The following ZBED4 variants were observed in gnomAD, a reference collection of about 807,000 sequenced individuals.
The protein encoded by ZBED4 is zinc finger BED-type containing 4, also known as zinc finger BED domain-containing protein 4.
ZBED4 carries 4 observed loss-of-function variants against 15.5 expected under a neutral mutation model. The observed-to-expected ratio is 0.26, with a 90% CI of 0.13 to 0.59. The LOEUF is 0.59. Among genes scored for constraint, ZBED4 ranks in the 20% least tolerant of loss-of-function variants. The pLI is 0.90. For missense variants in ZBED4, 1,323 were observed against 1,461.8 expected, an observed-to-expected ratio of 0.91 and a Z score of 1.55; for synonymous variants, 692 against 608.5, an observed-to-expected ratio of 1.14 and a Z score of -2.02.
At chr22:49,858,855 T>C (rs893851923) in intron 1 of ZBED4, among the ~76,000 whole-genome samples, 1 of 152,142 alleles carries the variant, frequency 6.6e-6, no homozygotes, top group African/African-American at 2.4e-5. Flanking sequence ...TGAGGTCTCT[T>C]TGCGTTCCGG....
Position 49,884,959 on chromosome 22 carries a change from G to A in ZBED4, c.1297G>A (p.Ala433Thr), listed in dbSNP as rs1432982430. 23 of 1,611,934 alleles carry A rather than the reference G, an allele frequency of 1.4e-5. No individual in the cohort carries two copies. Among genetic ancestry groups the A allele is most frequent in the Non-Finnish European group, 2.0e-5 (23 of 1,178,898 alleles). ...ASASSPEKQQ[A>T]DGLSPRLFES... ...GGCGTCCTCTCCTGAGAAGCAGCAG[G>A]CTGATGGGCTGAGTCCTAGATTGTT... is the stretch of plus-strand genomic sequence containing the variant. The change falls in exon 2 of 2, where the codon GCT (alanine) becomes ACT (threonine). Residue 433 changes from alanine (A) to threonine (T), a missense_variant. Transcript: ENST00000216268.
In ZBED4 at chr22:49,886,018, A is replaced by G; in HGVS notation, c.2356A>G (p.Lys786Glu). The G allele has an allele frequency of 1.5e-6, 1 of 689,118 alleles. No individual in the cohort carries two copies. The allele number at this position is 689,118 out of a possible 1,614,324, so 42.7% of individuals were successfully genotyped here. The change falls in exon 2 of 2, where the codon AAG becomes GAG. Residue 786 changes from lysine (K) to glutamate (E), a missense_variant. This residue lies in a region of ZBED4 where 100 missense variants were observed against 79.3 expected (regional missense o/e 1.26). Coordinates refer to ENST00000216268, the MANE Select transcript of ZBED4 (RefSeq NM_014838.3). The surrounding 1 kb of genome is among the most constrained non-coding windows in gnomAD (Gnocchi z 7.7). ...DCDYSGNSIQ[K>E]QLECWWEAWV... ...CGACTACAGTGGCAACAGCATTCAG[A>G]AGCAGCTGGAGTGCTGGTGGGAAGC...
At chr22:49,866,202 C>T (rs942175546) in intron 1 of ZBED4, among the ~76,000 whole-genome samples, 2 of 152,058 alleles carry the variant, frequency 1.3e-5, no homozygotes, top group Admixed American at 6.5e-5. Flanking sequence ...TTTTCTCAGT[C>T]CCTTTCACTA....
chr22:49,872,301 G>A (rs534388322), intron 1 of ZBED4, among the ~76,000 whole-genome samples: 2 of 152,140 alleles, frequency 1.3e-5, no homozygotes, highest in Non-Finnish European at 2.9e-5. Flanking sequence ...TCATCCCTAA[G>A]CAGCAGCTCC....
chr22:49,853,829 G>A (rs1166716954), upstream of ZBED4: 2 of 144,644 alleles, frequency 1.4e-5, no homozygotes, highest in African/African-American at 5.0e-5. Flanking sequence ...CGCCGCGCGG[G>A]GCCCTGGGAG....
chr22:49,874,871 C>T (rs1010495200), intron 1 of ZBED4, among the ~76,000 whole-genome samples: 5 of 151,484 alleles, frequency 3.3e-5, no homozygotes, highest in East Asian at 1.9e-4. Flanking sequence ...TTAATAGAGA[C>T]GGGGTTTCAC....
chr22:49,873,816 C>T (rs565586789), intron 1 of ZBED4, among the ~76,000 whole-genome samples: 1 of 151,104 alleles, frequency 6.6e-6, no homozygotes, highest in African/African-American at 2.4e-5. Context: ...CAGCTGGGTT[C>T]TTCTCGACCC....
At chr22:49,878,665 C>A (rs2147534106) in intron 1 of ZBED4, among the ~76,000 whole-genome samples, 1 of 152,180 alleles carries the variant, frequency 6.6e-6, no homozygotes, top group South Asian at 2.1e-4. Flanking sequence ...TGGTACAAGC[C>A]CAAAAGCACA....
Position 49,883,459 on chromosome 22 carries a change from G to T in ZBED4, c.-204G>T. On this transcript the variant is annotated 5_prime_UTR_variant, in exon 2 of 2. Transcript: ENST00000216268. ...ATGAGTGTTTAGTAGCAGGACTCTT[G>T]GAAAGCAGTGATCTATGCTGTAAGA... The T allele has an allele frequency of 1.6e-6, 1 of 625,022 alleles. No individual in the cohort carries two copies. The highest frequency in any genetic ancestry group is 2.5e-6 in the Non-Finnish European group (1 of 404,536). The allele number at this position is 625,022 out of a possible 1,614,324, so 38.7% of individuals were successfully genotyped here.
Position 49,888,119 on chromosome 22 carries a change from C to G in ZBED4, c.*941C>G, listed in dbSNP as rs1343671817. 6.0e-6 allele frequency: 1 copy of G among 167,078 alleles called. No individual in the cohort carries two copies. The highest frequency in any genetic ancestry group is 2.4e-5 in the African/African-American group (1 of 41,406). 10.3% of individuals were successfully genotyped at this position (167,078 alleles called of 1,614,324 possible). ...TGTTATATTCCAGTTGTAAGAATAGCCTTAGTGTTTAGATTTTTTTATGAT... is the reference window on the plus strand; with the variant it reads ...TGTTATATTCCAGTTGTAAGAATAGGCTTAGTGTTTAGATTTTTTTATGAT... On this transcript the variant is annotated 3_prime_UTR_variant, in exon 2 of 2. Coordinates refer to ENST00000216268, the MANE Select transcript of ZBED4 (RefSeq NM_014838.3).
At chr22:49,869,742 T>TACCA (rs2060338262) in intron 1 of ZBED4, among the ~76,000 whole-genome samples, 1 of 152,218 alleles carries the variant, frequency 6.6e-6, no homozygotes, top group African/African-American at 2.4e-5. Context: ...GCTTCAGAAT[T>TACCA]ACCAGTTCAC....
chr22:49,886,079 C>A lies in ZBED4; in HGVS notation c.2417C>A (p.Thr806Asn). Residue 806 changes from threonine to asparagine, a missense_variant, in exon 2 of 2, where the codon ACC becomes AAC. Physicochemically the swap from Thr to Asn is moderately conservative, Grantham distance 65. Coordinates refer to ENST00000216268, the MANE Select transcript of ZBED4 (RefSeq NM_014838.3). This position sits in a 1 kb window ranked among gnomAD's most constrained non-coding sequence, Gnocchi z 7.7. ...VTSTGLQVGI[T>N]VTDNASIGKT... is the part of the protein sequence containing the mutation. ...TCCACCGGCCTTCAGGTGGGCATCA[C>A]CGTCACCGACAACGCCAGCATCGGG... 1 of 680,668 alleles carries A rather than the reference C, an allele frequency of 1.5e-6. No individual in the cohort carries two copies. The highest frequency in any genetic ancestry group is 2.5e-5 in the East Asian group (1 of 40,252). The allele number at this position is 680,668 out of a possible 1,614,324, so 42.2% of individuals were successfully genotyped here.
intron 1 of ZBED4, among the ~76,000 whole-genome samples, chr22:49,869,913 G>T (rs1189937337): frequency 1.3e-5 from 2 of 152,190 alleles, no homozygotes; most frequent in Non-Finnish European, 2.9e-5. Context: ...TCGTCGCCCA[G>T]ATCGTGAGCA....
At chr22:49,859,367 G>A (rs1313520187) in intron 1 of ZBED4, among the ~76,000 whole-genome samples, 2 of 152,042 alleles carry the variant, frequency 1.3e-5, no homozygotes, top group South Asian at 2.1e-4. Context: ...ATCTAGTAAA[G>A]CCTTTTGTTT....
Position 49,886,957 on chromosome 22 carries a change from G to T in ZBED4, c.3295G>T (p.Asp1099Tyr). ...LEEEVLEHSC[D>Y]PLTYWNLKKA... Reference sequence around the variant, plus strand: ...GGAGGAGGTGCTTGAACACAGCTGTGACCCGCTCACCTACTGGAACCTGAA... The same window carrying T: ...GGAGGAGGTGCTTGAACACAGCTGTTACCCGCTCACCTACTGGAACCTGAA... The change falls in exon 2 of 2, where the codon GAC becomes TAC. Residue 1099 changes from aspartate (D) to tyrosine (Y), a missense_variant. By Grantham distance (160) the Asp-to-Tyr change is radical. Coordinates refer to ENST00000216268, the MANE Select transcript of ZBED4 (RefSeq NM_014838.3). The surrounding 1 kb of genome is among the most constrained non-coding windows in gnomAD (Gnocchi z 7.7). 6 of 1,614,070 alleles carry T rather than the reference G, an allele frequency of 3.7e-6. No individual in the cohort carries two copies. Among genetic ancestry groups the T allele is most frequent in the Non-Finnish European group, 5.1e-6 (6 of 1,180,014 alleles).
chr22:49,887,239 AGGTCTATGACCC>A lies in ZBED4; in HGVS notation c.*63_*74del. On this transcript the variant is annotated 3_prime_UTR_variant, in exon 2 of 2. Coordinates refer to ENST00000216268, the MANE Select transcript of ZBED4 (RefSeq NM_014838.3). ...TGCCCCAGCGTTAGCAGCCTGTACC[AGGTCTATGACCC>A]GCTCTGCCCACGGCTGTGTACGACA... The A allele has an allele frequency of 6.5e-7, 1 of 1,535,862 alleles. No homozygotes were observed. The highest frequency in any genetic ancestry group is 8.8e-7 in the Non-Finnish European group (1 of 1,134,620).
At chr22:49,861,942 A>G (rs2043922120) in intron 1 of ZBED4, among the ~76,000 whole-genome samples, 1 of 152,146 alleles carries the variant, frequency 6.6e-6, no homozygotes, top group African/African-American at 2.4e-5. Context: ...GAGTGCTTCC[A>G]AGTTCCCCCG....
rs2060451284 is a variant in ZBED4, at chr22:49,888,371, A to G, written c.*1193A>G. 1.2e-5 allele frequency: 2 copies of G among 167,334 alleles called. No homozygotes were observed. Among genetic ancestry groups the G allele is most frequent in the Admixed American group, 1.3e-4 (2 of 15,302 alleles). The allele number at this position is 167,334 out of a possible 1,614,324, so 10.4% of individuals were successfully genotyped here. A position where few individuals can be genotyped will look rare whatever the true frequency, so the allele number is the denominator to read the frequency against. On this transcript the variant is annotated 3_prime_UTR_variant, in exon 2 of 2. Coordinates refer to ENST00000216268, the MANE Select transcript of ZBED4 (RefSeq NM_014838.3). ...GTACGTACGCTTAATCTAAATTTGC[A>G]TTGACTATGTTTTAGTGTATTTATA...
rs1601793260 is a variant in ZBED4, at chr22:49,873,519, G to A, written c.-329-9815G>A. Among the ~76,000 whole-genome samples, 4 of 152,278 alleles carry A rather than the reference G, an allele frequency of 2.6e-5. No individual in the cohort carries two copies. The South Asian group carries it at 8.3e-4, about 32-fold the overall frequency. On this transcript the variant is annotated intron_variant, in intron 1 of 1. Transcript: ENST00000216268. ...TCACCATAACAGATACCATGATAAT[G>A]GAAAAGTGTGAAATATTGCCAGAAT...
Sources: allele counts gnomAD v4.1 joint callset (sites outside exome capture counted in the v4.1 genomes callset), GRCh38; gene constraint gnomAD v4.1.1; regional missense constraint gnomAD v4.1.1; non-coding constraint Gnocchi (gnomAD v3.1); transcripts MANE v1.5; gene names NCBI Gene and HGNC (gene_info 2026-07-23, HGNC 2026-07-21).